RAD51B: variants seen among roughly 807,000 people sequenced by gnomAD.
The protein encoded by RAD51B is RAD51 paralog B, also known as DNA repair protein RAD51 homolog 2.
In RAD51B, 38 loss-of-function variants were observed where a neutral mutation model predicts 42.2. The ratio of observed to expected loss-of-function variants is 0.90; its 90% confidence interval spans 0.70 to 1.18. The LOEUF is 1.18. RAD51B is among the 50% of genes most tolerant of loss of function. The pLI is 0.00. For synonymous variants in RAD51B, 154 were observed against 145.2 expected (o/e 1.06, Z -0.43); for missense variants, 373 against 400.7 (o/e 0.93, Z 0.59).
At chr14:68,348,767 G>A (rs1375989851) in intron 8 of RAD51B, among the ~76,000 whole-genome samples, 2 of 152,124 alleles carry the variant, frequency 1.3e-5, no homozygotes, top group Non-Finnish European at 2.9e-5. Context: ...GGCATGGTGG[G>A]GGGCGCCTGT....
chr14:67,970,554 G>C (rs2074876516), intron 7 of RAD51B, among the ~76,000 whole-genome samples: 1 of 150,582 alleles, frequency 6.6e-6, no homozygotes, highest in Non-Finnish European at 1.5e-5. Flanking sequence ...TATTCTGTAT[G>C]AGTTCTGTCA....
intron 8 of RAD51B, among the ~76,000 whole-genome samples, chr14:68,320,873 C>A (rs989455996): frequency 6.6e-6 from 1 of 152,108 alleles, no homozygotes; most frequent in Non-Finnish European, 1.5e-5. Flanking sequence ...GGCTATGGAC[C>A]CAAAGGTCTG....
intron 9 of RAD51B, among the ~76,000 whole-genome samples, chr14:68,451,948 A>T (rs2085566633): frequency 6.6e-6 from 1 of 152,128 alleles, no homozygotes; most frequent in African/African-American, 2.4e-5. Flanking sequence ...TTCAAGACAC[A>T]CCCTCTGAGT....
chr14:68,332,323 C>T (rs1482142216), intron 8 of RAD51B, among the ~76,000 whole-genome samples: 3 of 152,172 alleles, frequency 2.0e-5, no homozygotes, highest in Non-Finnish European at 4.4e-5. Context: ...GTATATTATA[C>T]ATCTCTGCAT....
chr14:68,337,505 A>G (rs769969185), intron 8 of RAD51B, among the ~76,000 whole-genome samples: 18 of 151,950 alleles, frequency 1.2e-4, no homozygotes, highest in Non-Finnish European at 2.1e-4. Flanking sequence ...TTTCTTCCCT[A>G]TTGGCATGGT....
intron 7 of RAD51B, among the ~76,000 whole-genome samples, chr14:67,977,069 C>G (rs1196542738): frequency 3.3e-5 from 5 of 152,176 alleles, no homozygotes; most frequent in Non-Finnish European, 7.4e-5. Context: ...GGAATCAACT[C>G]TAGTTTTTAA....
intron 7 of RAD51B, among the ~76,000 whole-genome samples, chr14:68,184,552 G>GT: frequency 6.8e-6 from 1 of 147,138 alleles, no homozygotes; most frequent in Non-Finnish European, 1.5e-5. Context: ...ACTGCTTAGA[G>GT]TGAGTTTGCT....
chr14:68,614,966 G>T (rs1476170052), downstream of RAD51B, among the ~76,000 whole-genome samples: 1 of 152,170 alleles, frequency 6.6e-6, no homozygotes, highest in Non-Finnish European at 1.5e-5. Flanking sequence ...TCCGCCTCCT[G>T]GGTTCAAGCG....
rs149287699 is a variant in RAD51B at position 67,929,625 on chromosome 14, T to C, written c.756+42421T>C. On this transcript the variant is annotated intron_variant, in intron 7 of 10. Coordinates refer to ENST00000471583, the MANE Select transcript of RAD51B (RefSeq NM_133510.4). ...TCTAAAGTCCCGTTTAAGTCTGATGTTTCTTTATTTTCTGTCTAGATGATC... is the reference window on the plus strand; with the variant it reads ...TCTAAAGTCCCGTTTAAGTCTGATGCTTCTTTATTTTCTGTCTAGATGATC... 2.6e-5 allele frequency among the ~76,000 whole-genome samples: 4 copies of C among 152,300 alleles called. No individual in the cohort carries two copies. The East Asian group carries it at 5.8e-4, about 22-fold the overall frequency.
intron 10 of RAD51B, among the ~76,000 whole-genome samples, chr14:68,536,850 G>A (rs1008889490): frequency 6.6e-6 from 1 of 151,800 alleles, no homozygotes; most frequent in Non-Finnish European, 1.5e-5. Flanking sequence ...GGGAGGCCGA[G>A]GCGGGCGGAT....
intron 7 of RAD51B, among the ~76,000 whole-genome samples, chr14:67,998,054 G>A (rs999123170): frequency 1.3e-5 from 2 of 152,110 alleles, no homozygotes; most frequent in Admixed American, 1.3e-4. Context: ...TTTACTCTAG[G>A]GCAGTGGCTC....
chr14:68,184,134 C>T (rs1042242385), intron 7 of RAD51B, among the ~76,000 whole-genome samples: 2 of 151,456 alleles, frequency 1.3e-5, no homozygotes, highest in African/African-American at 4.9e-5. Flanking sequence ...TGGTGGCATG[C>T]ACCTGTACTT....
rs527578119 is a variant in RAD51B, at chr14:68,461,000, C to G, written c.958-7172C>G. 2.4e-3 allele frequency among the ~76,000 whole-genome samples: 370 copies of G among 152,166 alleles called. 1 individual carries two copies. Among genetic ancestry groups the G allele is most frequent in the Non-Finnish European group, 2.1e-3 (146 of 68,002 alleles). ...AATGAAGCTTCTCTTACGTATATAG[C>G]ACCACACTAGAGGTTTGTGGGACCA... On this transcript the variant is annotated intron_variant, in intron 9 of 10. Coordinates refer to ENST00000471583, the MANE Select transcript of RAD51B (RefSeq NM_133510.4).
chr14:67,822,090 T>A (rs2040648299), intron 1 of RAD51B: 1 of 152,180 alleles, frequency 6.6e-6, no homozygotes, highest in African/African-American at 2.4e-5. Context: ...AATAAACAAA[T>A]ATATACATTC....
chr14:68,664,090 T>C (rs2140148598), intron 11 of RAD51B, among the ~76,000 whole-genome samples: 1 of 152,358 alleles, frequency 6.6e-6, no homozygotes, highest in East Asian at 1.9e-4. Context: ...TCAGGTAATC[T>C]GCCCAAATCC....
intron 7 of RAD51B, among the ~76,000 whole-genome samples, chr14:68,002,561 TG>T (rs1434166765): frequency 4.6e-5 from 7 of 152,254 alleles, no homozygotes; most frequent in African/African-American, 1.7e-4. Flanking sequence ...GTTTTGCTTT[TG>T]TTGCAATTGC....
intron 7 of RAD51B, among the ~76,000 whole-genome samples, chr14:67,948,525 G>A (rs1946400671): frequency 6.6e-6 from 1 of 152,062 alleles, no homozygotes; most frequent in African/African-American, 2.4e-5. Context: ...TCACAATAAA[G>A]TAACTATTGC....
At chr14:68,555,840 A>C (rs568982531) in intron 10 of RAD51B, among the ~76,000 whole-genome samples, 1 of 152,180 alleles carries the variant, frequency 6.6e-6, no homozygotes, top group Non-Finnish European at 1.5e-5. Context: ...CATTAGACAC[A>C]CAGGGAGACC....
chr14:68,180,252 C>T (rs528953832), intron 7 of RAD51B, among the ~76,000 whole-genome samples: 49 of 152,186 alleles, frequency 3.2e-4, no homozygotes, highest in African/African-American at 1.1e-3. Flanking sequence ...GTTTGGGGAG[C>T]GCTAACATTC....
Sources: gnomAD v4.1 joint callset for allele counts (sites outside exome capture counted in the v4.1 genomes callset) on GRCh38, gnomAD v4.1.1 for gene constraint, MANE v1.5 for transcripts, NCBI Gene and HGNC (gene_info 2026-07-23, HGNC 2026-07-21) for gene names.